Variants in TBCK observed in about 807,000 individuals in gnomAD.
TBCK encodes TBC1 domain containing kinase.
In TBCK, 99 loss-of-function variants were observed where a neutral mutation model predicts 113.4. The ratio of observed to expected loss-of-function variants is 0.87; its 90% CI spans 0.74 to 1.03. TBCK has a LOEUF of 1.03. Among genes scored for constraint, TBCK ranks in the 50% least tolerant of loss-of-function variants. TBCK has a pLI of 0.00. For missense variants in TBCK, 1,045 were observed against 1,061.3 expected, an observed-to-expected ratio of 0.98 and a Z score of 0.21; for synonymous variants, 369 against 370.8, an observed-to-expected ratio of 1.00 and a Z score of 0.05.
chr4:106,259,263 A>T (rs1762282176), intron 5 of TBCK, among the ~76,000 whole-genome samples: 1 of 149,760 alleles, frequency 6.7e-6, no homozygotes. Context: ...GGCTGGCTTT[A>T]AAAAAAAAAT....
rs1768836047 is a variant in TBCK at position 106,316,185 on chromosome 4, C to T, written c.-284G>A. 5.3e-6 allele frequency: 1 copy of T among 187,964 alleles called. No individual in the cohort carries two copies. Among genetic ancestry groups the T allele is most frequent in the Non-Finnish European group, 1.1e-5 (1 of 90,252 alleles). The allele number at this position is 187,964 out of a possible 1,614,324, so 11.6% of individuals were successfully genotyped here. ...GAGCGCAAGCCTGGCCTTCCCCAAACACAGATCCGAGCTTTTCACCCTCTA... is the reference window on the plus strand; with the variant it reads ...GAGCGCAAGCCTGGCCTTCCCCAAATACAGATCCGAGCTTTTCACCCTCTA... On this transcript the variant is annotated 5_prime_UTR_variant, in exon 1 of 26. Coordinates refer to ENST00000394708, the MANE Select transcript of TBCK (RefSeq NM_001163435.3).
intron 25 of TBCK, among the ~76,000 whole-genome samples, chr4:106,054,002 A>G (rs773026336): frequency 1.3e-5 from 2 of 151,650 alleles, no homozygotes; most frequent in East Asian, 1.9e-4. Flanking sequence ...CAACCTATCA[A>G]CTGGTCTCCC....
intron 25 of TBCK, among the ~76,000 whole-genome samples, chr4:106,062,852 A>C (rs1378932592): frequency 6.6e-6 from 1 of 151,878 alleles, no homozygotes; most frequent in Non-Finnish European, 1.5e-5. Flanking sequence ...CTTTTTAAAA[A>C]CTGCTTATAT....
At chr4:106,125,634 C>T (rs997641438) in intron 23 of TBCK, among the ~76,000 whole-genome samples, 4 of 151,958 alleles carry the variant, frequency 2.6e-5, no homozygotes, top group Admixed American at 1.3e-4. Context: ...TGTTCTGACT[C>T]GTATGTGGAA....
chr4:106,189,567 A>C (rs1473104910), intron 22 of TBCK, among the ~76,000 whole-genome samples: 1 of 152,088 alleles, frequency 6.6e-6, no homozygotes, highest in African/African-American at 2.4e-5. Flanking sequence ...AGGGAGAAAA[A>C]ATGATGGATA....
intron 3 of TBCK, among the ~76,000 whole-genome samples, chr4:106,280,759 T>C (rs1301507553): frequency 1.3e-5 from 2 of 152,128 alleles, no homozygotes; most frequent in South Asian, 2.1e-4. Flanking sequence ...GATTTGTTTC[T>C]GGTTTCTATA....
chr4:106,212,946 A>C (rs1756338395), intron 19 of TBCK, 111 bp from the exon 20 acceptor site: 1 of 693,110 alleles, frequency 1.4e-6, no homozygotes, highest in Non-Finnish European at 2.4e-6. Context: ...TCTCCATGAG[A>C]ATACTTTACG....
chr4:106,054,007 T>A (rs1578758169), intron 25 of TBCK, among the ~76,000 whole-genome samples: 2 of 151,634 alleles, frequency 1.3e-5, no homozygotes, highest in South Asian at 4.2e-4. Context: ...TATCAACTGG[T>A]CTCCCCTGCC....
chr4:106,295,057 C>A, intron 3 of TBCK, 37 bp downstream of exon 3: 1 of 1,525,256 alleles, frequency 6.6e-7, no homozygotes, highest in South Asian at 1.3e-5. Flanking sequence ...TTGCCAAGTT[C>A]TGCTTTTCAT....
In TBCK at chr4:106,133,330, C is replaced by T. The variant is rs369622355; in HGVS notation, c.2236-16952G>A. Among the ~76,000 whole-genome samples the T allele has an allele frequency of 3.9e-5, 6 of 152,260 alleles. No individual in the cohort carries two copies. The South Asian group carries it at 6.2e-4, about 16-fold the overall frequency. On this transcript the variant is annotated intron_variant, in intron 23 of 25. Coordinates refer to ENST00000394708, the MANE Select transcript of TBCK (RefSeq NM_001163435.3). The stretch of plus-strand genomic sequence containing the variant: ...TTGCCTGCTGATATGTAAGATGTGA[C>T]TTTGCTCCTCATTCACCTTCCACCA...
intron 25 of TBCK, among the ~76,000 whole-genome samples, chr4:106,052,597 TA>T (rs555360062): frequency 3.3e-5 from 5 of 151,844 alleles, no homozygotes; most frequent in South Asian, 4.1e-4. Flanking sequence ...ATTTTTATCT[TA>T]AAAAATATTT....
chr4:106,274,234 C>A (rs567214187), intron 3 of TBCK, among the ~76,000 whole-genome samples: 4 of 152,264 alleles, frequency 2.6e-5, no homozygotes, highest in African/African-American at 7.2e-5. Flanking sequence ...GTAAATGGAA[C>A]CTTTGTGCAT....
chr4:106,260,127 G>C (rs1041400149), intron 5 of TBCK, among the ~76,000 whole-genome samples: 1 of 151,842 alleles, frequency 6.6e-6, no homozygotes, highest in South Asian at 2.1e-4. Flanking sequence ...TGAGAATCTA[G>C]TCATCCTTCT....
At chr4:106,172,895 A>AC (rs1344353156) in intron 22 of TBCK, among the ~76,000 whole-genome samples, 15 of 152,158 alleles carry the variant, frequency 9.9e-5, no homozygotes, top group Non-Finnish European at 1.3e-4. Flanking sequence ...AGAAACTAAG[A>AC]CACAAGGAAG....
intron 25 of TBCK, among the ~76,000 whole-genome samples, chr4:106,059,019 C>T (rs1458482466): frequency 6.6e-6 from 1 of 151,626 alleles, no homozygotes; most frequent in Non-Finnish European, 1.5e-5. Flanking sequence ...TAATTTCTTG[C>T]CATTAGTCAA....
chr4:106,169,952 AGCAGC>A (rs1251911899), intron 23 of TBCK, among the ~76,000 whole-genome samples: 1 of 152,046 alleles, frequency 6.6e-6, no homozygotes, highest in African/African-American at 2.4e-5. Context: ...TCTGACAGGA[AGCAGC>A]GCTCAGGTGG....
intron 25 of TBCK, among the ~76,000 whole-genome samples, chr4:106,093,378 G>A (rs1257528546): frequency 6.6e-6 from 1 of 152,086 alleles, no homozygotes; most frequent in Non-Finnish European, 1.5e-5. Context: ...GTGGTGGTGG[G>A]TGCCTGTAGT....
At chr4:106,066,847 T>A (rs1736700859) in intron 25 of TBCK, among the ~76,000 whole-genome samples, 1 of 152,106 alleles carries the variant, frequency 6.6e-6, no homozygotes, top group African/African-American at 2.4e-5. Context: ...GCATCAAATA[T>A]CAGAACTTCG....
chr4:106,070,078 A>T (rs202072079), intron 25 of TBCK, among the ~76,000 whole-genome samples: 1 of 152,088 alleles, frequency 6.6e-6, no homozygotes, highest in East Asian at 1.9e-4. Context: ...CATTCATGTC[A>T]TCTGCAAACA....
Sources: allele counts gnomAD v4.1 joint callset (sites outside exome capture counted in the v4.1 genomes callset), GRCh38; gene constraint gnomAD v4.1.1; transcripts MANE v1.5; gene names NCBI Gene and HGNC (gene_info 2026-07-23, HGNC 2026-07-21).